The following FANCA variants were observed in gnomAD, a reference collection of about 807,000 sequenced individuals.
The protein encoded by FANCA is Fanconi anemia group A protein.
FANCA carries 236 observed loss-of-function variants against 194.3 expected under a neutral mutation model. The ratio of observed to expected loss-of-function variants is 1.21; its 90% confidence interval spans 1.09 to 1.35. The LOEUF is 1.35. FANCA is among the 40% of genes most tolerant of loss of function. The pLI, the probability that FANCA is intolerant of heterozygous loss-of-function variation, is 0.00. For missense variants in FANCA, 2,628 were observed against 1,813.9 expected (o/e 1.45, Z -8.15); for synonymous variants, 1,014 against 715.8 (o/e 1.42, Z -6.65).
intron 11 of FANCA, 68 bp downstream of exon 11, chr16:89,795,838 C>G: frequency 8.5e-7 from 1 of 1,180,084 alleles, no homozygotes; most frequent in Non-Finnish European, 1.3e-6. Flanking sequence ...GTCAGCGTTA[C>G]CAAGGCAACA....
At chr16:89,781,369 A>C (rs139263112) in intron 17 of FANCA, among the ~76,000 whole-genome samples, 87 of 136,360 alleles carry the variant, frequency 6.4e-4, no homozygotes, top group Non-Finnish European at 1.1e-3. Context: ...ATTCCAAAAA[A>C]AAAAAAAAAA....
In FANCA at chr16:89,751,871, T is replaced by C. The variant is rs948397873; in HGVS notation, c.3066+267A>G. On this transcript the variant is annotated intron_variant, in intron 31 of 42. Transcript: ENST00000389301. ...CTGCAAGCTCCGCCTCCTGGGTTCA[T>C]GCCATTCTCCTGCCTCAGCCTCCCG... Among the ~76,000 whole-genome samples, 6 of 151,952 alleles carry C rather than the reference T, an allele frequency of 3.9e-5. No individual in the cohort carries two copies. In the South Asian group the frequency reaches 6.2e-4, roughly 16 times the overall value.
At chr16:89,812,666 A>ACAAAAAAC (rs2040940111) in intron 3 of FANCA, among the ~76,000 whole-genome samples, 1 of 147,782 alleles carries the variant, frequency 6.8e-6, no homozygotes, top group South Asian at 2.3e-4. Context: ...AAAAAAAAAA[A>ACAAAAAAC]AAAACTGTTA....
In FANCA at chr16:89,746,972, A is replaced by C; in HGVS notation, c.3349-82T>G. The stretch of plus-strand genomic sequence containing the variant: ...CATGCAGAGTGGCTGCTGTGGATTC[A>C]GTTTTGAGAAAAACACTCGCTAAGG... On this transcript the variant is annotated intron_variant, in intron 33 of 42. Coordinates refer to ENST00000389301, the MANE Select transcript of FANCA (RefSeq NM_000135.4). 1.3e-5 allele frequency: 17 copies of C among 1,323,088 alleles called. No homozygotes were observed. In the South Asian group the frequency reaches 2.1e-4, roughly 17 times the overall value. 82.0% of individuals were successfully genotyped at this position (1,323,088 alleles called of 1,614,324 possible).
At position 89,742,731 on chromosome 16, in the gene FANCA, C is replaced by T. The variant is rs2062167262; in HGVS notation, c.3765+69G>A. 4.5e-6 allele frequency: 7 copies of T among 1,565,518 alleles called. No homozygotes were observed. In the South Asian group the frequency reaches 7.8e-5, roughly 17 times the overall value. On this transcript the variant is annotated intron_variant, in intron 37 of 42. Transcript: ENST00000389301. ...AGAAAAACAGTTCATCAGACAAGCC[C>T]AGAGAAATAGCACTGATTGAAACCA...
intron 5 of FANCA, among the ~76,000 whole-genome samples, chr16:89,810,348 G>A (rs1308278408): frequency 1.3e-5 from 2 of 151,138 alleles, no homozygotes; most frequent in Non-Finnish European, 2.9e-5. Context: ...AGACCAGCCT[G>A]GGCAACAAGG....
intron 13 of FANCA, 56 bp downstream of exon 13, chr16:89,791,871 G>A: frequency 1.2e-6 from 2 of 1,610,306 alleles, no homozygotes; most frequent in Non-Finnish European, 1.7e-6. Context: ...GGACTCTGCT[G>A]ACACCCCCCT....
At chr16:89,778,669 A>C in intron 20 of FANCA, 132 bp downstream of exon 20, 1 of 722,468 alleles carries the variant, frequency 1.4e-6, no homozygotes. Flanking sequence ...TAACCAACCA[A>C]TTTTGGAGCC....
rs200761026 is a variant in FANCA, at chr16:89,770,070, C to A, written c.2317-46G>T. On this transcript the variant is annotated intron_variant, in intron 25 of 42. Transcript: ENST00000389301. ...GCAGAGCAGACTGCCCTCTTCCAAG[C>A]TGGAATTTTCCAGGGCACTGAAGAC... The A allele has an allele frequency of 1.7e-3, 2,701 of 1,598,456 alleles. 6 individuals carry two copies. Among genetic ancestry groups the A allele is most frequent in the Middle Eastern group, 4.6e-3 (28 of 6,038 alleles).
intron 36 of FANCA, 41 bp downstream of exon 36, chr16:89,744,918 G>A: frequency 1.9e-6 from 3 of 1,569,332 alleles, no homozygotes; most frequent in Non-Finnish European, 2.6e-6. Flanking sequence ...GTCCCGAAGT[G>A]CATCTGGGCG....
Position 89,792,521 on chromosome 16 carries a change from C to G in FANCA, c.1033G>C (p.Glu345Gln), listed in dbSNP as rs758168558. ...GGGTGTGTCCGCGCAAAGCTCCACT[C>G]TCTCTGCATCTGAACAGCATCAGAT... ...KASDAVQMQR[E>Q]WSFARTHPLL... Residue 345 changes from glutamate to glutamine, a missense_variant, in exon 12 of 43, where the codon GAG (glutamate) becomes CAG (glutamine). Physicochemically the swap from Glu to Gln is conservative, Grantham distance 29 (BLOSUM62 2). Coordinates refer to ENST00000389301, the MANE Select transcript of FANCA (RefSeq NM_000135.4). The G allele has an allele frequency of 3.1e-6, 5 of 1,613,330 alleles. No homozygotes were observed. Among genetic ancestry groups the G allele is most frequent in the African/African-American group, 1.3e-5 (1 of 74,922 alleles).
intron 3 of FANCA, among the ~76,000 whole-genome samples, chr16:89,812,884 T>C (rs958166847): frequency 6.7e-6 from 1 of 149,956 alleles, no homozygotes; most frequent in Non-Finnish European, 1.5e-5. Context: ...AATACAAAAA[T>C]TAGCTGGGTG....
At chr16:89,741,051 G>A (rs2062120943) in intron 37 of FANCA, 185 bp from the exon 38 acceptor site, 1 of 637,880 alleles carries the variant, frequency 1.6e-6, no homozygotes, top group Non-Finnish European at 2.8e-6. Flanking sequence ...AATTACTACT[G>A]GCTGGGTCAT....
chr16:89,767,368 T>C (rs187291615), intron 26 of FANCA, 131 bp from the exon 27 acceptor site: 1 of 711,418 alleles, frequency 1.4e-6, no homozygotes, highest in East Asian at 2.8e-5. Context: ...TGGTCCTTCG[T>C]TTTTTGGTTC....
intron 26 of FANCA, among the ~76,000 whole-genome samples, chr16:89,767,794 C>T (rs2039182461): frequency 6.6e-6 from 1 of 152,052 alleles, no homozygotes. Flanking sequence ...GTGCTCCGCC[C>T]ACCTCAGCCT....
At chr16:89,805,549 C>A (rs769522904) in intron 6 of FANCA, among the ~76,000 whole-genome samples, 157 bp from the exon 7 acceptor site, 4 of 152,068 alleles carry the variant, frequency 2.6e-5, no homozygotes, top group Non-Finnish European at 5.9e-5. Flanking sequence ...CCCTCGACCT[C>A]CCAGGCTCAA....
chr16:89,753,211 G>A (rs868144305), intron 30 of FANCA, among the ~76,000 whole-genome samples: 5 of 152,342 alleles, frequency 3.3e-5, no homozygotes, highest in African/African-American at 1.2e-4. Context: ...GTGGACATGT[G>A]ACCCACGTGA....
chr16:89,768,992 C>T (rs996836675), intron 26 of FANCA, among the ~76,000 whole-genome samples: 5 of 152,164 alleles, frequency 3.3e-5, no homozygotes, highest in African/African-American at 1.2e-4. Flanking sequence ...TCTGTATCCC[C>T]GGAGTACCGA....
intron 23 of FANCA, among the ~76,000 whole-genome samples, chr16:89,771,148 A>C (rs1342971869): frequency 7.6e-6 from 1 of 132,344 alleles, no homozygotes; most frequent in Admixed American, 7.8e-5. Flanking sequence ...AACAGAGAAG[A>C]CTCAGTCAAA....
Sources: allele counts gnomAD v4.1 joint callset (sites outside exome capture counted in the v4.1 genomes callset), GRCh38; gene constraint gnomAD v4.1.1; transcripts MANE v1.5; gene names NCBI Gene and HGNC (gene_info 2026-07-23, HGNC 2026-07-21).